Variants in ZBTB16 observed in about 807,000 individuals in gnomAD.
ZBTB16 encodes the protein zinc finger and BTB domain-containing protein 16.
In ZBTB16, 8 loss-of-function variants were observed where a neutral mutation model predicts 56.8. The observed-to-expected ratio is 0.14, with a 90% CI of 0.08 to 0.25. The LOEUF (loss-of-function observed/expected upper bound fraction) is 0.25, where lower values mean the gene tolerates loss of function less well. Among genes scored for constraint, ZBTB16 ranks in the 10% least tolerant of loss-of-function variants. The probability of loss-of-function intolerance (pLI) is 1.00; values close to 1 mark genes in which losing one functional copy is unlikely to be tolerated. For missense variants in ZBTB16, 625 were observed against 903.0 expected, an observed-to-expected ratio of 0.69 and a Z score of 3.95; for synonymous variants, 363 against 368.5, an observed-to-expected ratio of 0.98 and a Z score of 0.17.
chr11:114,249,906 C>T (rs1366044472), intron 6 of ZBTB16, among the ~76,000 whole-genome samples: 1 of 152,074 alleles, frequency 6.6e-6, no homozygotes, highest in Non-Finnish European at 1.5e-5. Flanking sequence ...CTCGATCCAC[C>T]TGCTCTCTGG....
At position 114,256,437 on chromosome 11, in the gene ZBTB16, C is replaced by T. The variant is rs1945017763; in HGVS notation, c.*5882C>T. 6.6e-6 allele frequency among the ~76,000 whole-genome samples: 1 copy of T among 152,270 alleles called. No individual in the cohort carries two copies. The highest frequency in any genetic ancestry group is 1.9e-4 in the East Asian group (1 of 5,180). ...TTAGGATAACTTGCTCAGGATTGCA[C>T]GGCTGGTGAGCAGCAGTCAGAACTC... On this transcript the variant is annotated 3_prime_UTR_variant, in exon 7 of 7. Coordinates refer to ENST00000335953, the MANE Select transcript of ZBTB16 (RefSeq NM_006006.6).
At chr11:114,176,091 A>G (rs917023746) in intron 3 of ZBTB16, among the ~76,000 whole-genome samples, 2 of 152,040 alleles carry the variant, frequency 1.3e-5, no homozygotes, top group African/African-American at 4.8e-5. Flanking sequence ...AAGTTGCTTC[A>G]GAAGAAAGGA....
chr11:114,186,169 A>G (rs1175406011), intron 3 of ZBTB16, among the ~76,000 whole-genome samples: 2 of 152,146 alleles, frequency 1.3e-5, no homozygotes, highest in Non-Finnish European at 2.9e-5. Flanking sequence ...AAGTTGATGT[A>G]TGAATGACGA....
intron 2 of ZBTB16, among the ~76,000 whole-genome samples, chr11:114,130,244 C>T (rs1010993134): frequency 6.6e-6 from 1 of 152,194 alleles, no homozygotes; most frequent in African/African-American, 2.4e-5. Context: ...CCGCCTAGAG[C>T]CTTAGGGAAT....
intron 3 of ZBTB16, among the ~76,000 whole-genome samples, chr11:114,170,733 T>C (rs1565665607): frequency 6.6e-6 from 1 of 152,232 alleles, no homozygotes; most frequent in Non-Finnish European, 1.5e-5. Flanking sequence ...TATTATAAGC[T>C]AATTGAGCAC....
intron 3 of ZBTB16, among the ~76,000 whole-genome samples, chr11:114,166,201 CGTGTGTGTGTGT>C (rs3057730): frequency 0.012 from 1,672 of 134,154 alleles, 29 homozygotes; most frequent in African/African-American, 0.027. Context: ...GACTGGTCTA[CGTGTGTGTGTGT>C]GTGTGTGTGT....
rs1944991852 is a variant in ZBTB16, at chr11:114,255,709, G to T, written c.*5154G>T. Among the ~76,000 whole-genome samples, 2 of 110,224 alleles carry T rather than the reference G, an allele frequency of 1.8e-5. No homozygotes were observed. The highest frequency in any genetic ancestry group is 3.4e-5 in the African/African-American group (1 of 29,152). 72.3% of individuals were successfully genotyped at this position (110,224 alleles called of 152,430 possible). On this transcript the variant is annotated 3_prime_UTR_variant, in exon 7 of 7. Transcript: ENST00000335953. ...GTTTCTTTGTAATTTCAGTGTTTCTGACAAGATTTAAAAAAAAAAAAAAAG... is the reference window on the plus strand; with the variant it reads ...GTTTCTTTGTAATTTCAGTGTTTCTTACAAGATTTAAAAAAAAAAAAAAAG...
At chr11:114,151,737 G>A (rs887710967) in intron 2 of ZBTB16, among the ~76,000 whole-genome samples, 20 of 152,210 alleles carry the variant, frequency 1.3e-4, no homozygotes, top group African/African-American at 4.6e-4. Flanking sequence ...TTTGACATCT[G>A]CTAGTGCAGT....
At chr11:114,182,187 G>A (rs1943265301) in intron 3 of ZBTB16, among the ~76,000 whole-genome samples, 1 of 152,044 alleles carries the variant, frequency 6.6e-6, no homozygotes, top group Admixed American at 6.6e-5. Flanking sequence ...GAGTAGCTGG[G>A]ATTTTAAATC....
At chr11:114,216,896 T>C (rs1944113378) in intron 4 of ZBTB16, among the ~76,000 whole-genome samples, 1 of 152,060 alleles carries the variant, frequency 6.6e-6, no homozygotes, top group Non-Finnish European at 1.5e-5. Context: ...GACAGACACA[T>C]AAACAGGCAA....
At chr11:114,179,837 C>G (rs1943204967) in intron 3 of ZBTB16, among the ~76,000 whole-genome samples, 2 of 152,104 alleles carry the variant, frequency 1.3e-5, no homozygotes, top group South Asian at 4.2e-4. Flanking sequence ...CCCCCTCAGC[C>G]TCATTTCTGG....
At chr11:114,150,715 G>A (rs1443296716) in intron 2 of ZBTB16, among the ~76,000 whole-genome samples, 1 of 152,224 alleles carries the variant, frequency 6.6e-6, no homozygotes, top group African/African-American at 2.4e-5. Flanking sequence ...AGGAGGAAGA[G>A]TGAGCCCATT....
rs1565714534 is a variant in ZBTB16 at position 114,256,021 on chromosome 11, T to TG, written c.*5467dup. ...TTTATTGAAGTACTTGGTTTTGTTT[T>TG]GTTTTTTTTTTTTGTTTTTTTTGCC... On this transcript the variant is annotated 3_prime_UTR_variant, in exon 7 of 7. Transcript: ENST00000335953. Among the ~76,000 whole-genome samples the TG allele has an allele frequency of 2.4e-5, 1 of 41,992 alleles. No individual in the cohort carries two copies. Among genetic ancestry groups the TG allele is most frequent in the African/African-American group, 6.5e-5 (1 of 15,466 alleles). The allele number at this position is 41,992 out of a possible 152,430, so 27.5% of individuals were successfully genotyped here.
intron 2 of ZBTB16, among the ~76,000 whole-genome samples, chr11:114,112,189 C>G (rs1348843382): frequency 1.3e-5 from 2 of 152,124 alleles, no homozygotes; most frequent in East Asian, 3.9e-4. Flanking sequence ...CGATATAAAT[C>G]AGAAAAATGA....
chr11:114,153,950 T>G (rs1942339643), intron 2 of ZBTB16, among the ~76,000 whole-genome samples: 1 of 152,208 alleles, frequency 6.6e-6, no homozygotes, highest in Non-Finnish European at 1.5e-5. Context: ...TGGGCATTCT[T>G]CTTTGTACCC....
chr11:114,112,068 A>C (rs530079400), intron 2 of ZBTB16, among the ~76,000 whole-genome samples: 9 of 152,318 alleles, frequency 5.9e-5, no homozygotes, highest in African/African-American at 2.2e-4. Flanking sequence ...TAAAACCCAA[A>C]GGTTATAGAG....
intron 2 of ZBTB16, among the ~76,000 whole-genome samples, chr11:114,121,421 AG>A (rs1259500917): frequency 6.6e-6 from 1 of 152,092 alleles, no homozygotes; most frequent in Non-Finnish European, 1.5e-5. Context: ...TAAGGTGGGG[AG>A]GTCATTTTCT....
In ZBTB16 at chr11:114,254,259, GC is replaced by G. The variant is rs530067068; in HGVS notation, c.*3706del. On this transcript the variant is annotated 3_prime_UTR_variant, in exon 7 of 7. Coordinates refer to ENST00000335953, the MANE Select transcript of ZBTB16 (RefSeq NM_006006.6). ...GCTTTGGGCTGCTTTGGAGGAGGAG[GC>G]CATGAATATGGGGAAGGCAGATCTG... Among the ~76,000 whole-genome samples, 219 of 152,220 alleles carry G rather than the reference GC, an allele frequency of 1.4e-3. 1 individual carries two copies. Among genetic ancestry groups the G allele is most frequent in the African/African-American group, 5.2e-3 (215 of 41,522 alleles).
chr11:114,172,779 G>T (rs2135016170), intron 3 of ZBTB16, among the ~76,000 whole-genome samples: 1 of 152,342 alleles, frequency 6.6e-6, no homozygotes, highest in Non-Finnish European at 1.5e-5. Flanking sequence ...CTGTTTTCAA[G>T]CAGCTATGGG....
Sources: allele counts gnomAD v4.1 joint callset (sites outside exome capture counted in the v4.1 genomes callset), GRCh38; gene constraint gnomAD v4.1.1; transcripts MANE v1.5; gene names NCBI Gene and HGNC (gene_info 2026-07-23, HGNC 2026-07-21).